The following PRIM2 variants were observed in gnomAD, a reference collection of about 807,000 sequenced individuals.
PRIM2 encodes DNA primase subunit 2, also known as DNA primase large subunit.
A neutral mutation model predicts 67.3 loss-of-function variants in PRIM2; 39 were observed. The observed-to-expected ratio is 0.58, with a 90% CI of 0.45 to 0.76. The LOEUF (loss-of-function observed/expected upper bound fraction) is 0.76. Ranked by LOEUF, PRIM2 falls within the 30% of genes least tolerant of loss-of-function variation. The pLI is 0.00. For synonymous variants in PRIM2, 143 were observed against 198.7 expected (o/e 0.72, Z 2.36); for missense variants, 398 against 598.7 (o/e 0.66, Z 3.50).
At chr6:57,363,714 A>C (rs1769267278) in intron 5 of PRIM2, among the ~76,000 whole-genome samples, 1 of 152,160 alleles carries the variant, frequency 6.6e-6, no homozygotes, top group East Asian at 1.9e-4. Context: ...TTTGATTTAA[A>C]TATTCTGTTT....
intron 5 of PRIM2, among the ~76,000 whole-genome samples, chr6:57,341,395 CAA>C (rs1768483898): frequency 1.3e-5 from 2 of 152,150 alleles, no homozygotes; most frequent in South Asian, 4.1e-4. Context: ...GATAGAGTAA[CAA>C]AGTATTGCAG....
At chr6:57,602,816 CATTT>C (rs1717170158) in intron 11 of PRIM2, among the ~76,000 whole-genome samples, 1 of 152,220 alleles carries the variant, frequency 6.6e-6, no homozygotes, top group Non-Finnish European at 1.5e-5. Flanking sequence ...CTGTTGGAAA[CATTT>C]ACTTATTCTG....
intron 5 of PRIM2, among the ~76,000 whole-genome samples, chr6:57,345,406 A>G (rs9357946): frequency 0.41 from 60,568 of 149,172 alleles, 12,705 homozygotes; most frequent in South Asian, 0.55. Context: ...GCTTCAAGTG[A>G]TTCATCCACC....
At chr6:57,249,887 C>A in the PRIM2 span, among the ~76,000 whole-genome samples, 1 of 152,162 alleles carries the variant, frequency 6.6e-6, no homozygotes, top group African/African-American at 2.4e-5. Flanking sequence ...ATTGTGACTG[C>A]AAGGTGGGGT....
At chr6:57,309,916 T>C (rs1226726611), upstream of PRIM2, among the ~76,000 whole-genome samples, 1 of 152,140 alleles carries the variant, frequency 6.6e-6, no homozygotes, top group Non-Finnish European at 1.5e-5. Context: ...CCAAAAGCAA[T>C]GGCAACAAAA....
intron 12 of PRIM2, among the ~76,000 whole-genome samples, chr6:57,624,061 A>G (rs1776903212): frequency 6.6e-6 from 1 of 152,182 alleles, no homozygotes; most frequent in African/African-American, 2.4e-5. Flanking sequence ...CATTATTTTC[A>G]TAAAGATCAT....
chr6:57,247,066 G>A, the PRIM2 span, among the ~76,000 whole-genome samples: 1 of 152,182 alleles, frequency 6.6e-6, no homozygotes, highest in Admixed American at 6.5e-5. Flanking sequence ...GTGTTAGCCA[G>A]GATGGTCTTG....
intron 7 of PRIM2, among the ~76,000 whole-genome samples, chr6:57,495,367 AAAGGC>A (rs1286282501): frequency 3.3e-5 from 5 of 152,242 alleles, no homozygotes; most frequent in African/African-American, 1.2e-4. Flanking sequence ...CAACATCTAC[AAAGGC>A]AAGATATCTA....
At chr6:57,376,038 C>G (rs1413374740) in intron 5 of PRIM2, among the ~76,000 whole-genome samples, 4 of 152,044 alleles carry the variant, frequency 2.6e-5, no homozygotes, top group Non-Finnish European at 5.9e-5. Flanking sequence ...GAGATCCCAT[C>G]TCTATAAGAA....
At chr6:57,408,396 T>C (rs557738820) in intron 7 of PRIM2, among the ~76,000 whole-genome samples, 166 of 152,304 alleles carry the variant, frequency 1.1e-3, no homozygotes, top group Non-Finnish European at 1.7e-3. Flanking sequence ...GATTTGCATA[T>C]GGCTCAGGTG....
chr6:57,458,371 C>T (rs1310547357), intron 7 of PRIM2, among the ~76,000 whole-genome samples: 7 of 152,180 alleles, frequency 4.6e-5, no homozygotes, highest in Non-Finnish European at 8.8e-5. Context: ...TATAATTCTT[C>T]CATATGCCCT....
intron 7 of PRIM2, among the ~76,000 whole-genome samples, chr6:57,478,040 T>C (rs1316171349): frequency 1.3e-4 from 20 of 152,202 alleles, no homozygotes; most frequent in Non-Finnish European, 2.6e-4. Flanking sequence ...TGATAACGTG[T>C]ATGTTTAATA....
At chr6:57,466,845 C>T (rs1183016946) in intron 7 of PRIM2, among the ~76,000 whole-genome samples, 12 of 152,092 alleles carry the variant, frequency 7.9e-5, no homozygotes, top group South Asian at 2.1e-4. Context: ...GTTGGCTGGG[C>T]GCAGTGGCTC....
intron 5 of PRIM2, among the ~76,000 whole-genome samples, chr6:57,366,022 A>G (rs1171864602): frequency 6.6e-6 from 1 of 151,554 alleles, no homozygotes; most frequent in East Asian, 1.9e-4. Flanking sequence ...GCTTAGGTTC[A>G]TATGTTAGTG....
chr6:57,410,343 A>G (rs1187338767), intron 7 of PRIM2, among the ~76,000 whole-genome samples: 1 of 150,844 alleles, frequency 6.6e-6, no homozygotes, highest in Non-Finnish European at 1.5e-5. Context: ...AAAAAAAAAA[A>G]AAAAAAGAAA....
intron 5 of PRIM2, among the ~76,000 whole-genome samples, chr6:57,365,723 G>A (rs1168313119): frequency 6.6e-6 from 1 of 152,172 alleles, no homozygotes; most frequent in Non-Finnish European, 1.5e-5. Context: ...ACTTTGGGAG[G>A]CCAAGGCAGG....
At chr6:57,289,634 G>C in the PRIM2 span, among the ~76,000 whole-genome samples, 1 of 152,192 alleles carries the variant, frequency 6.6e-6, no homozygotes, top group African/African-American at 2.4e-5. Flanking sequence ...AGCCAGAAGA[G>C]AGTAGGGGCC....
At chr6:57,491,186 TATTTTAGA>T (rs1332977913) in intron 7 of PRIM2, among the ~76,000 whole-genome samples, 2 of 152,168 alleles carry the variant, frequency 1.3e-5, no homozygotes, top group African/African-American at 2.4e-5. Flanking sequence ...AAATCTAAAA[TATTTTAGA>T]ATGATAGCAT....
intron 5 of PRIM2, among the ~76,000 whole-genome samples, chr6:57,334,965 AG>A (rs1768175589): frequency 6.6e-6 from 1 of 152,192 alleles, no homozygotes; most frequent in African/African-American, 2.4e-5. Flanking sequence ...TCATCTCACT[AG>A]GGAGTGCCAG....
Sources: allele counts gnomAD v4.1 joint callset (sites outside exome capture counted in the v4.1 genomes callset), GRCh38; gene constraint gnomAD v4.1.1; transcripts MANE v1.5; gene names NCBI Gene and HGNC (gene_info 2026-07-23, HGNC 2026-07-21).